FBXW2: variants seen among roughly 807,000 people sequenced by gnomAD.
The protein encoded by FBXW2 is F-box and WD repeat domain containing 2.
FBXW2 carries 12 observed loss-of-function variants against 46.0 expected under a neutral mutation model. The ratio of observed to expected loss-of-function variants is 0.26; its 90% confidence interval spans 0.17 to 0.42. FBXW2 has a LOEUF of 0.42. Among genes scored for constraint, FBXW2 ranks in the 10% least tolerant of loss-of-function variants. The pLI is 1.00. For missense variants in FBXW2, 360 were observed against 537.0 expected (o/e 0.67, Z 3.26); for synonymous variants, 203 against 209.6 (o/e 0.97, Z 0.27).
At position 120,764,432 on chromosome 9, in the gene FBXW2, G is replaced by T; in HGVS notation, c.*127C>A. On this transcript the variant is annotated 3_prime_UTR_variant, in exon 8 of 8. Coordinates refer to ENST00000608872, the MANE Select transcript of FBXW2 (RefSeq NM_012164.4). ...GGCCCCTGGCAAAACATAGATAAAT[G>T]ATTGTGCACTGCGTGATGATACCAT... 6 of 1,073,184 alleles carry T rather than the reference G, an allele frequency of 5.6e-6. No individual in the cohort carries two copies. Among genetic ancestry groups the T allele is most frequent in the Non-Finnish European group, 6.8e-6 (5 of 736,986 alleles). The allele number at this position is 1,073,184 out of a possible 1,614,324, so 66.5% of individuals were successfully genotyped here. A position where few individuals can be genotyped will look rare whatever the true frequency, so the allele number is the denominator to read the frequency against.
At chr9:120,779,384 A>G (rs908077315) in intron 3 of FBXW2, among the ~76,000 whole-genome samples, 4 of 152,222 alleles carry the variant, frequency 2.6e-5, no homozygotes, top group Non-Finnish European at 4.4e-5. Context: ...GTATCCTAGG[A>G]AAGCACCAAA....
At chr9:120,771,635 C>A (rs1489157190) in intron 6 of FBXW2, 118 bp from the exon 7 acceptor site, 1 of 815,708 alleles carries the variant, frequency 1.2e-6, no homozygotes, top group Non-Finnish European at 1.9e-6. Flanking sequence ...GGAAAGACCC[C>A]AGGTTTTATA....
At chr9:120,782,155 G>C (rs900253241) in intron 3 of FBXW2, among the ~76,000 whole-genome samples, 5 of 151,972 alleles carry the variant, frequency 3.3e-5, no homozygotes, top group African/African-American at 9.7e-5. Context: ...TAGGTTCCTA[G>C]AGTAGTCAAA....
intron 2 of FBXW2, chr9:120,792,822 C>T (rs1488137564): frequency 2.6e-5 from 34 of 1,299,238 alleles, no homozygotes; most frequent in Non-Finnish European, 3.2e-5. Context: ...ATGTCAGTTA[C>T]CATTATTACT....
intron 4 of FBXW2, 137 bp from the exon 5 acceptor site, chr9:120,776,363 G>A (rs16910132): frequency 0.038 from 34,366 of 903,164 alleles, 3,171 homozygotes; most frequent in East Asian, 0.38. Context: ...TATTCAACTA[G>A]CAATTTTCTG....
intron 7 of FBXW2, among the ~76,000 whole-genome samples, chr9:120,770,115 G>A (rs1178650055): frequency 6.6e-6 from 1 of 152,182 alleles, no homozygotes; most frequent in Non-Finnish European, 1.5e-5. Context: ...GGTGGCTCAC[G>A]CATGTAATCC....
intron 6 of FBXW2, among the ~76,000 whole-genome samples, chr9:120,772,060 G>GAAAAAAAAAAAAAAAA (rs59520792): frequency 1.9e-5 from 1 of 51,298 alleles, no homozygotes; most frequent in Non-Finnish European, 3.8e-5. Flanking sequence ...CCCTGTCTCA[G>GAAAAAAAAAAAAAAAA]AAAAAAAAAA....
At chr9:120,781,549 G>A (rs1410653807) in intron 3 of FBXW2, among the ~76,000 whole-genome samples, 1 of 151,616 alleles carries the variant, frequency 6.6e-6, no homozygotes, top group African/African-American at 2.4e-5. Context: ...TTTGAAGGGG[G>A]GAAAACTAGA....
intron 3 of FBXW2, among the ~76,000 whole-genome samples, chr9:120,784,133 G>C (rs1157363226): frequency 1.3e-5 from 2 of 152,046 alleles, no homozygotes; most frequent in African/African-American, 4.8e-5. Context: ...AATTTAATCA[G>C]AATAAAAATC....
chr9:120,782,834 G>T (rs1304797348), intron 3 of FBXW2, among the ~76,000 whole-genome samples: 1 of 152,134 alleles, frequency 6.6e-6, no homozygotes, highest in Non-Finnish European at 1.5e-5. Context: ...CTGGGCTACA[G>T]AGTGAGACCT....
Position 120,778,560 on chromosome 9 carries a change from CAGGGAGGTTAATAAG to C in FBXW2, c.491-30_491-16del. 6.2e-7 allele frequency: 1 copy of C among 1,607,466 alleles called. No homozygotes were observed. Among genetic ancestry groups the C allele is most frequent in the Non-Finnish European group, 8.5e-7 (1 of 1,175,782 alleles). On this transcript the variant is annotated splice_polypyrimidine_tract_variant and intron_variant, in intron 3 of 7. Coordinates refer to ENST00000608872, the MANE Select transcript of FBXW2 (RefSeq NM_012164.4). Reference sequence around the variant, plus strand: ...GTCATCTGACCCTTCAAGAGAAAAACAGGGAGGTTAATAAGAAAACAAACACACTAAAGAAGGAAA... The same window carrying C: ...GTCATCTGACCCTTCAAGAGAAAAACAAAACAAACACACTAAAGAAGGAAA...
rs746538873 is a variant in FBXW2, at chr9:120,776,150, A to G, written c.762T>C (p.Ala254=). The change falls in exon 5 of 8, where the codon GCT becomes GCC. Residue 254 remains alanine (A), a synonymous_variant. Transcript: ENST00000608872. ...GSADFTVKVW[A]LSAGTCLNTL... is the part of the protein sequence containing the mutation. ...TGTTCAGGCATGTCCCAGCAGATAA[A>G]GCCCATACTTTCACAGTGAAGTCTG... is the stretch of plus-strand genomic sequence containing the variant. The G allele has an allele frequency of 1.2e-6, 2 of 1,614,046 alleles. No individual in the cohort carries two copies. The highest frequency in any genetic ancestry group is 1.7e-5 in the Admixed American group (1 of 59,996).
At chr9:120,774,940 C>T (rs2044460412) in intron 5 of FBXW2, among the ~76,000 whole-genome samples, 1 of 152,160 alleles carries the variant, frequency 6.6e-6, no homozygotes. Context: ...CCGCTGGGCC[C>T]GTGCATGTAT....
At chr9:120,781,105 C>T (rs936756780) in intron 3 of FBXW2, among the ~76,000 whole-genome samples, 3 of 150,812 alleles carry the variant, frequency 2.0e-5, no homozygotes, top group Admixed American at 6.6e-5. Context: ...CAGGCCAAAA[C>T]AAAACAAAAG....
Position 120,772,842 on chromosome 9 carries a change from T to C in FBXW2, c.820-2A>G. ...GACTTTGCACTTCTGCAAAACTACCTGCAAATGTAAACCATGTTACGGAAA... is the reference window on the plus strand; with the variant it reads ...GACTTTGCACTTCTGCAAAACTACCCGCAAATGTAAACCATGTTACGGAAA... On this transcript the variant is annotated splice_acceptor_variant, in intron 5 of 7. Transcript: ENST00000608872. LOFTEE classifies it high-confidence loss of function. The C allele has an allele frequency of 6.2e-7, 1 of 1,604,696 alleles. No individual in the cohort carries two copies. The highest frequency in any genetic ancestry group is 8.5e-7 in the Non-Finnish European group (1 of 1,172,062).
At position 120,793,223 on chromosome 9, in the gene FBXW2, T is replaced by A. The variant is rs1404791305; in HGVS notation, c.-95A>T. On this transcript the variant is annotated 5_prime_UTR_variant, in exon 2 of 8. It adds an upstream start codon to the 5' untranslated region. Transcript: ENST00000608872. ...TAGGCACGCTCGGACCGCCAGAGCC[T>A]TGCAGCGGCCGGGTCCGCTCCGCAG... 1.9e-6 allele frequency: 1 copy of A among 534,618 alleles called. No homozygotes were observed. The highest frequency in any genetic ancestry group is 3.1e-5 in the East Asian group (1 of 31,946). The allele number at this position is 534,618 out of a possible 1,614,324, so 33.1% of individuals were successfully genotyped here.
At chr9:120,766,749 T>C (rs181271459) in intron 7 of FBXW2, among the ~76,000 whole-genome samples, 453 of 152,302 alleles carry the variant, frequency 3.0e-3, no homozygotes, top group Middle Eastern at 0.01. Context: ...CGTGAGCCAC[T>C]GCACCCAGCG....
rs762985703 is a variant in FBXW2, at chr9:120,792,998, T to C, written c.-21+151A>G. The C allele has an allele frequency of 3.2e-5, 48 of 1,519,508 alleles. No homozygotes were observed. In the South Asian group the frequency reaches 4.8e-4, roughly 15 times the overall value. 94.1% of individuals were successfully genotyped at this position (1,519,508 alleles called of 1,614,324 possible). On this transcript the variant is annotated intron_variant, in intron 2 of 7. Coordinates refer to ENST00000608872, the MANE Select transcript of FBXW2 (RefSeq NM_012164.4). ...ACGTTTGGTAGCCCTGGGACATCAC[T>C]GTTAACTCATTTCGCAGCTAAGGAA...
At chr9:120,790,378 G>A (rs139140982) in intron 2 of FBXW2, among the ~76,000 whole-genome samples, 2,436 of 152,268 alleles carry the variant, frequency 0.016, 42 homozygotes, top group Non-Finnish European at 0.026. Context: ...CAGCTAGTCG[G>A]GAGGCTGAGG....
Sources: gnomAD v4.1 joint callset for allele counts (sites outside exome capture counted in the v4.1 genomes callset) on GRCh38, gnomAD v4.1.1 for gene constraint, MANE v1.5 for transcripts, NCBI Gene and HGNC (gene_info 2026-07-23, HGNC 2026-07-21) for gene names.